Variants in PLXNB1 observed in about 807,000 individuals in gnomAD.
PLXNB1 encodes plexin B1.
Under a neutral mutation model 209.4 loss-of-function variants are expected in PLXNB1, and 106 were observed. The ratio of observed to expected loss-of-function variants is 0.51; its 90% CI spans 0.43 to 0.59. PLXNB1 has a LOEUF of 0.59. Among genes scored for constraint, PLXNB1 ranks in the 20% least tolerant of loss-of-function variants. The pLI, the probability that PLXNB1 is intolerant of heterozygous loss-of-function variation, is 0.00. For missense variants in PLXNB1, 2,357 were observed against 2,853.2 expected (o/e 0.83, Z 3.96); for synonymous variants, 1,167 against 1,183.2 (o/e 0.99, Z 0.28).
rs181534369 is a variant in PLXNB1, at chr3:48,417,532, T to C, written c.3374+379A>G. 4.4e-4 allele frequency among the ~76,000 whole-genome samples: 67 copies of C among 152,272 alleles called. No homozygotes were observed. In the East Asian group the frequency reaches 0.011, roughly 24 times the overall value. On this transcript the variant is annotated intron_variant, in intron 16 of 37. Transcript: ENST00000296440. This position sits in a 1 kb window ranked among gnomAD's most constrained non-coding sequence, Gnocchi z 4.4. ...TGAAGAGCCTGGCAGCCCAGGACAA[T>C]GCCTGGGGAAGAGTGAGCTGGTGAG...
In PLXNB1 at chr3:48,414,795, G is replaced by A; in HGVS notation, c.4209+4C>T. The A allele has an allele frequency of 6.2e-7, 1 of 1,612,494 alleles. No homozygotes were observed. The highest frequency in any genetic ancestry group is 8.5e-7 in the Non-Finnish European group (1 of 1,178,912). On this transcript the variant is annotated splice_donor_region_variant and intron_variant, in intron 21 of 37. Transcript: ENST00000296440. ...GCCCTGCCAGGTCCAAGTAGGAGCT[G>A]TACCTCCACGGAGAACACACTCCCA... is the stretch of plus-strand genomic sequence containing the variant.
chr3:48,415,112 T>C lies in PLXNB1; in HGVS notation c.3966+64A>G. ...GAAGAGCCTCCTCTGGCACCTGCTC[T>C]GGCTGTCCCCAGGGTGTGGTATGGG... On this transcript the variant is annotated intron_variant, in intron 20 of 37. Coordinates refer to ENST00000296440, the MANE Select transcript of PLXNB1 (RefSeq NM_001130082.3). This position sits in a 1 kb window ranked among gnomAD's most constrained non-coding sequence, Gnocchi z 5.0. 1 of 1,606,590 alleles carries C rather than the reference T, an allele frequency of 6.2e-7. No individual in the cohort carries two copies.
In PLXNB1 at chr3:48,424,485, TG is replaced by T; in HGVS notation, c.126del (p.Thr43ProfsTer16). On this transcript the variant is annotated frameshift_variant, in exon 3 of 38. Coordinates refer to ENST00000296440, the MANE Select transcript of PLXNB1 (RefSeq NM_001130082.3). LOFTEE classifies it high-confidence loss of function. ...GTYLQHLARD[P>X]TSGTLYLGAT... ...GCCCCCAGGTAGAGGGTGCCTGAGG[TG>T]GGGTCCCTTGCCAGGTGCTGCAGAT... is the stretch of plus-strand genomic sequence containing the variant. The T allele has an allele frequency of 6.2e-7, 1 of 1,602,462 alleles. No individual in the cohort carries two copies. The highest frequency in any genetic ancestry group is 1.1e-5 in the South Asian group (1 of 88,968).
chr3:48,423,764 G>C lies in PLXNB1; in HGVS notation c.848C>G (p.Thr283Arg). The C allele has an allele frequency of 6.2e-7, 1 of 1,613,960 alleles. No individual in the cohort carries two copies. Among genetic ancestry groups the C allele is most frequent in the Non-Finnish European group, 8.5e-7 (1 of 1,179,986 alleles). The change falls in exon 3 of 38, where the codon ACG (threonine) becomes AGG (arginine). Residue 283 changes from threonine to arginine, a missense_variant. Thr to Arg is a moderately conservative substitution (Grantham distance 71, BLOSUM62 -1). Transcript: ENST00000296440. ...YGLIQAAAVATSREVAHGEVL... is the reference protein window; with the variant it reads ...YGLIQAAAVARSREVAHGEVL... Reference sequence around the variant, plus strand: ...CTCCCCATGCGCCACCTCCCTGGACGTGGCCACAGCTGCAGCCTGGATCAG... The same window carrying C: ...CTCCCCATGCGCCACCTCCCTGGACCTGGCCACAGCTGCAGCCTGGATCAG...
chr3:48,404,334 G>A lies in PLXNB1; in HGVS notation c.*152C>T, dbSNP rs902639435. The A allele has an allele frequency of 1.7e-6, 1 of 596,114 alleles. No individual in the cohort carries two copies. Among genetic ancestry groups the A allele is most frequent in the South Asian group, 2.0e-5 (1 of 49,032 alleles). 36.9% of individuals were successfully genotyped at this position (596,114 alleles called of 1,614,324 possible). On this transcript the variant is annotated 3_prime_UTR_variant, in exon 38 of 38. Transcript: ENST00000296440. ...GGGTCTAGGAGGTGGATCCAGCAGG[G>A]CCGAGGCCAGAGCCACCAGGAGACT...
Position 48,420,037 on chromosome 3 carries a change from G to A in PLXNB1, c.2249C>T (p.Ser750Phe), listed in dbSNP as rs765432534. The A allele has an allele frequency of 3.1e-6, 5 of 1,610,792 alleles. No homozygotes were observed. Among genetic ancestry groups the A allele is most frequent in the Non-Finnish European group, 4.2e-6 (5 of 1,177,896 alleles). Residue 750 changes from serine (S) to phenylalanine (F), a missense_variant, in exon 11 of 38, where the codon TCC becomes TTC. Around this residue, in one of 7 missense-constraint regions of PLXNB1, gnomAD observed 410 missense variants for 401.0 expected, o/e 1.02. Transcript: ENST00000296440. Reference protein sequence around the residue: ...AGSGSISSPGSTGSPLHEEPS... With the variant: ...AGSGSISSPGFTGSPLHEEPS... ...CTCCTCATGGAGAGGCGACCCTGTG[G>A]AGCCAGGGGAAGATATGGAGCCAGA...
In PLXNB1 at chr3:48,417,237, C is replaced by T. The variant is rs2038160010; in HGVS notation, c.3374+674G>A. Among the ~76,000 whole-genome samples, 1 of 152,180 alleles carries T rather than the reference C, an allele frequency of 6.6e-6. No homozygotes were observed. The stretch of plus-strand genomic sequence containing the variant: ...TTGTTTCAAATACAGATTTGGGGGC[C>T]CCACCGTGGGCCTCCTGAATCCAGA... On this transcript the variant is annotated intron_variant, in intron 16 of 37. Coordinates refer to ENST00000296440, the MANE Select transcript of PLXNB1 (RefSeq NM_001130082.3). This position sits in a 1 kb window ranked among gnomAD's most constrained non-coding sequence, Gnocchi z 4.4.
At chr3:48,423,055 T>C in intron 3 of PLXNB1, 108 bp from the exon 4 acceptor site, 10 of 919,316 alleles carry the variant, frequency 1.1e-5, no homozygotes, top group Non-Finnish European at 1.7e-5. Flanking sequence ...TAGCTCTCCC[T>C]GTACAACTGT....
Position 48,424,224 on chromosome 3 carries a change from G to T in PLXNB1, c.388C>A (p.Leu130Met). Residue 130 changes from leucine to methionine, a missense_variant, in exon 3 of 38, where the codon CTG becomes ATG. Transcript: ENST00000296440. ...EQRRLGQLEQ[L>M]LLRPERPGDT... ...CCAGGCCGCTCTGGCCGCAGCAGCA[G>T]CTGCTCGAGCTGCCCCAGGCGCCGC... The T allele has an allele frequency of 6.2e-7, 1 of 1,601,196 alleles. No homozygotes were observed. Among genetic ancestry groups the T allele is most frequent in the Non-Finnish European group, 8.5e-7 (1 of 1,172,738 alleles).
rs2038336732 is a variant in PLXNB1 at position 48,419,430 on chromosome 3, G to GC, written c.2710-65dup. 6.6e-7 allele frequency: 1 copy of GC among 1,515,322 alleles called. No individual in the cohort carries two copies. Among genetic ancestry groups the GC allele is most frequent in the Non-Finnish European group, 8.9e-7 (1 of 1,128,762 alleles). 93.9% of individuals were successfully genotyped at this position (1,515,322 alleles called of 1,614,324 possible). A position where few individuals can be genotyped will look rare whatever the true frequency, so the allele number is the denominator to read the frequency against. On this transcript the variant is annotated intron_variant, in intron 11 of 37. Transcript: ENST00000296440. The surrounding 1 kb of genome is among the most constrained non-coding windows in gnomAD (Gnocchi z 5.7). ...CCTGCCCAGCTCAGCCCTCTGCCTT[G>GC]CCAGATTCCAGAGGCAAGGCCGGTG...
At chr3:48,414,093 C>A (rs762513218) in intron 21 of PLXNB1, 22 bp from the exon 22 acceptor site, 4 of 1,612,138 alleles carry the variant, frequency 2.5e-6, no homozygotes, top group South Asian at 1.1e-5. Flanking sequence ...GGTCACCGAT[C>A]AGTCACTCAG....
Position 48,416,636 on chromosome 3 carries a change from T to A in PLXNB1, c.3375-185A>T. On this transcript the variant is annotated intron_variant, in intron 16 of 37. Coordinates refer to ENST00000296440, the MANE Select transcript of PLXNB1 (RefSeq NM_001130082.3). This position sits in a 1 kb window ranked among gnomAD's most constrained non-coding sequence, Gnocchi z 4.1. The stretch of plus-strand genomic sequence containing the variant: ...TGACACATCAGAAGGCCTTGGTATC[T>A]GAGAATTAATATTTGTGGCTTCAAT... The A allele has an allele frequency of 4.7e-6, 2 of 425,810 alleles. No homozygotes were observed. Among genetic ancestry groups the A allele is most frequent in the Non-Finnish European group, 8.2e-6 (2 of 242,576 alleles). 26.4% of individuals were successfully genotyped at this position (425,810 alleles called of 1,614,324 possible).
In PLXNB1 at chr3:48,412,623, G is replaced by A. The variant is rs748348807; in HGVS notation, c.4855-3C>T. On this transcript the variant is annotated splice_polypyrimidine_tract_variant and splice_region_variant and intron_variant, in intron 25 of 37. Transcript: ENST00000296440. Reference sequence around the variant, plus strand: ...TGGCTCTCCAGCGTGTGGATGAACTGCAGCCAAAGAGAAGGGATGGGAAAA... The same window carrying A: ...TGGCTCTCCAGCGTGTGGATGAACTACAGCCAAAGAGAAGGGATGGGAAAA... The A allele has an allele frequency of 2.5e-5, 41 of 1,612,922 alleles. No homozygotes were observed. The highest frequency in any genetic ancestry group is 3.1e-5 in the Non-Finnish European group (36 of 1,179,688).
At position 48,419,438 on chromosome 3, in the gene PLXNB1, CCA is replaced by C; in HGVS notation, c.2710-74_2710-73del. On this transcript the variant is annotated intron_variant, in intron 11 of 37. Transcript: ENST00000296440. The surrounding 1 kb of genome is among the most constrained non-coding windows in gnomAD (Gnocchi z 5.7). ...GCTCAGCCCTCTGCCTTGCCAGATT[CCA>C]GAGGCAAGGCCGGTGTGGGGCTGCA... 6.6e-7 allele frequency: 1 copy of C among 1,510,882 alleles called. No individual in the cohort carries two copies. Among genetic ancestry groups the C allele is most frequent in the Non-Finnish European group, 8.9e-7 (1 of 1,125,850 alleles). 93.6% of individuals were successfully genotyped at this position (1,510,882 alleles called of 1,614,324 possible).
At chr3:48,427,699 G>A (rs1221560779) in intron 1 of PLXNB1, among the ~76,000 whole-genome samples, 2 of 152,072 alleles carry the variant, frequency 1.3e-5, no homozygotes, top group Non-Finnish European at 2.9e-5. Flanking sequence ...TCCTCCAACC[G>A]CTGCACAGGC....
At position 48,407,082 on chromosome 3, in the gene PLXNB1, T is replaced by C; in HGVS notation, c.6097A>G (p.Ile2033Val). Residue 2033 changes from isoleucine to valine, a missense_variant, in exon 35 of 38, where the codon ATC (isoleucine) becomes GTC (valine). Ile to Val is a conservative substitution (Grantham distance 29, BLOSUM62 3). Around this residue, in one of 7 missense-constraint regions of PLXNB1, gnomAD observed 414 missense variants for 520.5 expected, o/e 0.80. Transcript: ENST00000296440. ...TCCCGTGCATACAGAAGTTTGTTGA[T>C]CGGGGAGTCCTGGACATAGCAGGAG... ...ADHKLGRDSP[I>V]NKLLYARDIP... is the part of the protein sequence containing the mutation. 6.2e-7 allele frequency: 1 copy of C among 1,613,898 alleles called. No individual in the cohort carries two copies. Among genetic ancestry groups the C allele is most frequent in the African/African-American group, 1.3e-5 (1 of 74,950 alleles).
chr3:48,423,408 A>T, intron 3 of PLXNB1, 97 bp downstream of exon 3: 1 of 1,354,224 alleles, frequency 7.4e-7, no homozygotes, highest in East Asian at 2.3e-5. Context: ...TCGTGCTACC[A>T]CCAGCTGCCC....
chr3:48,407,982 T>G (rs1350470944), intron 34 of PLXNB1, among the ~76,000 whole-genome samples: 1 of 152,148 alleles, frequency 6.6e-6, no homozygotes, highest in South Asian at 2.1e-4. Flanking sequence ...CAAAAGACAG[T>G]GCTACAATTT....
In PLXNB1 at chr3:48,411,174, TCA is replaced by T; in HGVS notation, c.5248-140_5248-139del. ...CACACAATCCCTAATTCTCGTCTCT[TCA>T]CCTGCCTGCCTTCCCCAGGGACAGC... is the stretch of plus-strand genomic sequence containing the variant. On this transcript the variant is annotated intron_variant, in intron 28 of 37. Transcript: ENST00000296440. The surrounding 1 kb of genome is among the most constrained non-coding windows in gnomAD (Gnocchi z 4.0). 1 of 716,606 alleles carries T rather than the reference TCA, an allele frequency of 1.4e-6. No homozygotes were observed. The highest frequency in any genetic ancestry group is 2.7e-5 in the East Asian group (1 of 36,466). The allele number at this position is 716,606 out of a possible 1,614,324, so 44.4% of individuals were successfully genotyped here.
Sources: gnomAD v4.1 joint callset for allele counts (sites outside exome capture counted in the v4.1 genomes callset) on GRCh38, gnomAD v4.1.1 for gene constraint, gnomAD v4.1.1 regional missense constraint, Gnocchi (gnomAD v3.1) non-coding constraint, MANE v1.5 for transcripts, NCBI Gene and HGNC (gene_info 2026-07-23, HGNC 2026-07-21) for gene names.